The following RANBP17 variants were observed in gnomAD, a reference collection of about 807,000 sequenced individuals.
RANBP17 encodes the protein RAN binding protein 17.
Under a neutral mutation model 141.2 loss-of-function variants are expected in RANBP17, and 158 were observed. The ratio of observed to expected loss-of-function variants is 1.12; its 90% CI spans 0.98 to 1.28. RANBP17 has a LOEUF of 1.28. Among genes scored for constraint, RANBP17 ranks in the 50% most tolerant of loss-of-function variants. RANBP17 has a pLI of 0.00. For synonymous variants in RANBP17, 430 were observed against 450.0 expected (o/e 0.96, Z 0.56); for missense variants, 1,438 against 1,290.7 (o/e 1.11, Z -1.75).
intron 3 of RANBP17, among the ~76,000 whole-genome samples, chr5:170,891,699 A>G (rs1769627404): frequency 6.6e-6 from 1 of 152,124 alleles, no homozygotes; most frequent in Non-Finnish European, 1.5e-5. Context: ...TCACACTTTA[A>G]ACAACCAGAT....
At chr5:171,113,372 A>G (rs1260773331) in intron 14 of RANBP17, among the ~76,000 whole-genome samples, 2 of 152,148 alleles carry the variant, frequency 1.3e-5, no homozygotes, top group South Asian at 2.1e-4. Context: ...CCATTCATCC[A>G]TTAACTCATT....
chr5:171,073,325 G>T (rs1193210422), intron 14 of RANBP17, among the ~76,000 whole-genome samples: 1 of 152,110 alleles, frequency 6.6e-6, no homozygotes, highest in Non-Finnish European at 1.5e-5. Flanking sequence ...GTTTTGACTG[G>T]ATAATGTAAG....
intron 6 of RANBP17, chr5:170,910,482 A>G (rs1419748964): frequency 6.6e-6 from 1 of 152,650 alleles, no homozygotes; most frequent in Non-Finnish European, 1.5e-5. Flanking sequence ...CATACACAAA[A>G]GTAGATAGAA....
chr5:171,145,963 A>G (rs1332478755), intron 14 of RANBP17, among the ~76,000 whole-genome samples: 2 of 152,328 alleles, frequency 1.3e-5, no homozygotes, highest in East Asian at 3.9e-4. Flanking sequence ...AAGAAAAAAC[A>G]TTTGTTAATC....
intron 18 of RANBP17, among the ~76,000 whole-genome samples, chr5:171,184,269 G>T (rs559778473): frequency 9.9e-4 from 151 of 152,178 alleles, no homozygotes; most frequent in African/African-American, 3.3e-3. Flanking sequence ...AAGAAAATGT[G>T]GTATATATAC....
At chr5:171,033,157 C>T (rs551262687) in intron 14 of RANBP17, among the ~76,000 whole-genome samples, 7 of 139,400 alleles carry the variant, frequency 5.0e-5, no homozygotes, top group African/African-American at 1.6e-4. Flanking sequence ...TGAGATGAGA[C>T]GTTTTACTGC....
intron 14 of RANBP17, among the ~76,000 whole-genome samples, chr5:171,122,161 C>G (rs1480344271): frequency 6.6e-6 from 1 of 152,222 alleles, no homozygotes; most frequent in African/African-American, 2.4e-5. Context: ...TCACTGGTGC[C>G]TCAATGCTGC....
chr5:170,952,637 G>A (rs747704656), intron 12 of RANBP17, among the ~76,000 whole-genome samples: 1 of 151,844 alleles, frequency 6.6e-6, no homozygotes, highest in Non-Finnish European at 1.5e-5. Context: ...TCATTATTCA[G>A]TTCCATACCT....
At chr5:171,139,485 T>C (rs992224191) in intron 14 of RANBP17, among the ~76,000 whole-genome samples, 18 of 152,244 alleles carry the variant, frequency 1.2e-4, no homozygotes, top group African/African-American at 4.3e-4. Context: ...TGGTATTTAT[T>C]GTAATAAACC....
Position 171,177,703 on chromosome 5 carries a change from C to A in RANBP17, c.1866-5464C>A, listed in dbSNP as rs114843787. On this transcript the variant is annotated intron_variant, in intron 16 of 27. Transcript: ENST00000523189. ...AGTCCTTTAATACTAAATGTTAATT[C>A]CCTTCATTTTCTTTCAAGTCGTGGT... Among the ~76,000 whole-genome samples the A allele has an allele frequency of 3.9e-3, 588 of 152,122 alleles. 4 individuals are homozygous for A. The highest frequency in any genetic ancestry group is 0.013 in the African/African-American group (548 of 41,478).
At chr5:170,886,524 A>C (rs1461645005) in intron 3 of RANBP17, among the ~76,000 whole-genome samples, 1 of 152,146 alleles carries the variant, frequency 6.6e-6, no homozygotes, top group African/African-American at 2.4e-5. Context: ...AGTTTTGATA[A>C]ATTTTAACTT....
intron 14 of RANBP17, among the ~76,000 whole-genome samples, chr5:171,151,144 ATC>A (rs1581742462): frequency 6.6e-6 from 1 of 152,350 alleles, no homozygotes; most frequent in East Asian, 1.9e-4. Context: ...CAGAAATGTG[ATC>A]TGTGCAAAAT....
At position 171,116,506 on chromosome 5, in the gene RANBP17, A is replaced by T. The variant is rs545033885; in HGVS notation, c.1711-53624A>T. 5.7e-3 allele frequency among the ~76,000 whole-genome samples: 872 copies of T among 152,286 alleles called. 10 individuals carry two copies. Among genetic ancestry groups the T allele is most frequent in the African/African-American group, 0.02 (824 of 41,560 alleles). On this transcript the variant is annotated intron_variant, in intron 14 of 27. Coordinates refer to ENST00000523189, the MANE Select transcript of RANBP17 (RefSeq NM_022897.5). ...TACTAGCCTGTTGATTTCTTTTTTT[A>T]AAATTCGTTTTTCTCATTTTAATGT...
At chr5:170,910,123 C>T in intron 6 of RANBP17, 1 of 159,240 alleles carries the variant, frequency 6.3e-6, no homozygotes, top group Non-Finnish European at 1.4e-5. Flanking sequence ...ACAATATTTT[C>T]CTGATTCATC....
intron 14 of RANBP17, among the ~76,000 whole-genome samples, chr5:170,984,653 G>A (rs1157279580): frequency 6.6e-6 from 1 of 151,902 alleles, no homozygotes; most frequent in East Asian, 1.9e-4. Context: ...AAAAAGTGTA[G>A]CTAATAGTTA....
At chr5:171,245,413 C>G (rs1420538829) in intron 24 of RANBP17, among the ~76,000 whole-genome samples, 2 of 152,162 alleles carry the variant, frequency 1.3e-5, no homozygotes, top group East Asian at 3.9e-4. Context: ...CTCCCGGGTT[C>G]AAGTGTTTCT....
At chr5:171,235,463 G>T (rs1349760596) in intron 22 of RANBP17, among the ~76,000 whole-genome samples, 3 of 152,058 alleles carry the variant, frequency 2.0e-5, no homozygotes, top group Non-Finnish European at 4.4e-5. Flanking sequence ...AAGCACATAA[G>T]AGAGAGGAGA....
intron 25 of RANBP17, among the ~76,000 whole-genome samples, chr5:171,283,328 C>G (rs1027918701): frequency 3.9e-5 from 6 of 152,208 alleles, no homozygotes; most frequent in African/African-American, 1.4e-4. Flanking sequence ...GGGTTTGACA[C>G]AGAGCCTTGC....
intron 14 of RANBP17, among the ~76,000 whole-genome samples, chr5:171,132,254 A>G (rs1433163199): frequency 9.2e-5 from 14 of 151,976 alleles, no homozygotes. Flanking sequence ...CACCCAAGGG[A>G]AGGAAGGAGG....
Sources: gnomAD v4.1 joint callset for allele counts (sites outside exome capture counted in the v4.1 genomes callset) on GRCh38, gnomAD v4.1.1 for gene constraint, MANE v1.5 for transcripts, NCBI Gene and HGNC (gene_info 2026-07-23, HGNC 2026-07-21) for gene names.